The following ZNF320 variants were observed in gnomAD, a reference collection of about 807,000 sequenced individuals.
ZNF320 encodes the protein zinc finger protein 320.
Under a neutral mutation model 6.8 loss-of-function variants are expected in ZNF320, and 2 were observed. The observed-to-expected ratio is 0.29, with a 90% CI of 0.12 to 0.93. The LOEUF is 0.93. ZNF320 is among the 40% of genes least tolerant of loss of function. ZNF320 has a pLI of 0.55. For synonymous variants in ZNF320, 208 were observed against 203.2 expected (o/e 1.02, Z -0.20); for missense variants, 472 against 611.0 (o/e 0.77, Z 2.40).
chr19:52,881,210 A>G lies in ZNF320; in HGVS notation c.916T>C (p.Cys306Arg), dbSNP rs1368797197. The G allele has an allele frequency of 2.5e-6, 4 of 1,614,036 alleles. No homozygotes were observed. In the Admixed American group the frequency reaches 6.7e-5, roughly 27 times the overall value. The change falls in exon 6 of 6, where the codon TGT becomes CGT. Residue 306 changes from cysteine to arginine, a missense_variant. Around this residue, in one of 2 missense-constraint regions of ZNF320, gnomAD observed 462 missense variants for 559.7 expected, o/e 0.83. Coordinates refer to ENST00000682928, the MANE Select transcript of ZNF320 (RefSeq NM_001351774.2). ...TAEKPYKCNE[C>R]GKVFKQRATL... ...GCTCGTTGCTTAAAAACCTTGCCAC[A>G]TTCATTACACTTATAGGGTTTCTCT... is the stretch of plus-strand genomic sequence containing the variant.
In ZNF320 at chr19:52,888,170, G is replaced by A; in HGVS notation, c.99C>T (p.Tyr33=). Reference sequence around the variant, plus strand: ...TATAATTCTCCAGCATCACGTCTCTGTATAGAGTCCTCTGAGCAGGGTCCA... The same window carrying A: ...TATAATTCTCCAGCATCACGTCTCTATATAGAGTCCTCTGAGCAGGGTCCA... ...KCLDPAQRTL[Y]RDVMLENYRN... The change falls in exon 5 of 6, where the codon TAC becomes TAT. Residue 33 remains tyrosine (Y), a synonymous_variant. Coordinates refer to ENST00000682928, the MANE Select transcript of ZNF320 (RefSeq NM_001351774.2). 1.3e-6 allele frequency: 2 copies of A among 1,574,686 alleles called. No homozygotes were observed. The highest frequency in any genetic ancestry group is 1.7e-6 in the Non-Finnish European group (2 of 1,167,084).
chr19:52,870,348 A>G (rs1289613954), intron 5 of ZNF320, among the ~76,000 whole-genome samples: 1 of 151,710 alleles, frequency 6.6e-6, no homozygotes, highest in Non-Finnish European at 1.5e-5. Context: ...GCATGGTGGC[A>G]GGCACCTGTA....
intron 5 of ZNF320, among the ~76,000 whole-genome samples, chr19:52,886,127 T>TTTTTTA (rs1185484903): frequency 6.6e-6 from 1 of 152,026 alleles, no homozygotes. Context: ...GTTATGGAAT[T>TTTTTTA]TTTTTATTTT....
chr19:52,883,359 G>C (rs994639364), intron 5 of ZNF320, among the ~76,000 whole-genome samples: 2 of 152,082 alleles, frequency 1.3e-5, no homozygotes, highest in Non-Finnish European at 2.9e-5. Flanking sequence ...TGTGCCCAGC[G>C]GCAGTTTGTG....
At chr19:52,892,254 T>A (rs1266758040) in intron 2 of ZNF320, 1 of 152,030 alleles carries the variant, frequency 6.6e-6, no homozygotes, top group African/African-American at 2.4e-5. Context: ...TAATCCCAGC[T>A]ACTCAGGAAG....
At position 52,881,733 on chromosome 19, in the gene ZNF320, A is replaced by C; in HGVS notation, c.393T>G (p.Ala131=). Residue 131 remains alanine (A), a synonymous_variant, in exon 6 of 6, where the codon GCT becomes GCG. Coordinates refer to ENST00000682928, the MANE Select transcript of ZNF320 (RefSeq NM_001351774.2). The stretch of plus-strand genomic sequence containing the variant: ...GCTGACCTTTAATAGGCTTGTTTCC[A>C]GCATGCCTTTGATCATATCGGTCTG... ...SSTDRYDQRH[A]GNKPIKGQLE... is the part of the protein sequence containing the mutation. 4 of 1,613,980 alleles carry C rather than the reference A, an allele frequency of 2.5e-6. No individual in the cohort carries two copies. Among genetic ancestry groups the C allele is most frequent in the Non-Finnish European group, 3.4e-6 (4 of 1,179,882 alleles).
At chr19:52,875,507 C>A (rs188803304), downstream of ZNF320, among the ~76,000 whole-genome samples, 313 of 152,284 alleles carry the variant, frequency 2.1e-3, 2 homozygotes, top group African/African-American at 7.1e-3. Flanking sequence ...TTTTGGAGGA[C>A]TGGAATCCAT....
At chr19:52,896,821 C>T (rs1198615840) in intron 1 of ZNF320, among the ~76,000 whole-genome samples, 1 of 152,178 alleles carries the variant, frequency 6.6e-6, no homozygotes, top group East Asian at 1.9e-4. Context: ...ACCCCATCTC[C>T]CCATCCGGAG....
chr19:52,903,633 C>T, the ZNF320 span, among the ~76,000 whole-genome samples: 2 of 152,052 alleles, frequency 1.3e-5, no homozygotes, highest in African/African-American at 4.8e-5. Flanking sequence ...ACCATAATCT[C>T]CTTTAAATTC....
upstream of ZNF320, among the ~76,000 whole-genome samples, chr19:52,900,718 T>A (rs113892830): frequency 0.017 from 2,485 of 150,442 alleles, 37 homozygotes; most frequent in Non-Finnish European, 0.026. Context: ...ATTTTTTTTT[T>A]AATTGTACTT....
At position 52,897,615 on chromosome 19, in the gene ZNF320, T is replaced by C. The variant is rs1482886554; in HGVS notation, c.-365A>G. ...CCCCGGTATAGCAGCACCACAGGAC[T>C]GGGAAGCACACATAAAACAGAGCGA... is the stretch of plus-strand genomic sequence containing the variant. On this transcript the variant is annotated 5_prime_UTR_variant, in exon 1 of 6. Coordinates refer to ENST00000682928, the MANE Select transcript of ZNF320 (RefSeq NM_001351774.2). The C allele has an allele frequency of 6.6e-6, 1 of 152,206 alleles. No individual in the cohort carries two copies. The highest frequency in any genetic ancestry group is 1.9e-4 in the East Asian group (1 of 5,178). 9.4% of individuals were successfully genotyped at this position (152,206 alleles called of 1,614,324 possible). A position where few individuals can be genotyped will look rare whatever the true frequency, so the allele number is the denominator to read the frequency against.
At chr19:52,865,186 G>A (rs1362760456) in intron 5 of ZNF320, among the ~76,000 whole-genome samples, 2 of 151,706 alleles carry the variant, frequency 1.3e-5, no homozygotes, top group African/African-American at 4.9e-5. Context: ...GCTGGGTGTG[G>A]TCGTGGGCAC....
At chr19:52,903,103 TAGG>T in the ZNF320 span, among the ~76,000 whole-genome samples, 1 of 152,216 alleles carries the variant, frequency 6.6e-6, no homozygotes, top group South Asian at 2.1e-4. Flanking sequence ...TCTTCAATAA[TAGG>T]AGGCCTTATT....
At chr19:52,873,849 A>T (rs2063721657), downstream of ZNF320, 1 of 278,254 alleles carries the variant, frequency 3.6e-6, no homozygotes, top group African/African-American at 2.3e-5. Context: ...AGTGAAGATG[A>T]CAAGGACTGA....
upstream of ZNF320, among the ~76,000 whole-genome samples, chr19:52,898,767 C>G (rs907615749): frequency 2.6e-5 from 4 of 152,168 alleles, no homozygotes; most frequent in Non-Finnish European, 4.4e-5. Flanking sequence ...AGAAACAGAA[C>G]AGAGCGGGGA....
At chr19:52,882,679 G>C (rs111443310) in intron 5 of ZNF320, among the ~76,000 whole-genome samples, 2 of 152,070 alleles carry the variant, frequency 1.3e-5, no homozygotes, top group Non-Finnish European at 2.9e-5. Flanking sequence ...GTGGTGGCTC[G>C]CGCCTGTGAT....
At chr19:52,903,785 C>T in the ZNF320 span, among the ~76,000 whole-genome samples, 77 of 151,968 alleles carry the variant, frequency 5.1e-4, no homozygotes, top group African/African-American at 8.4e-4. Context: ...GGCACACACA[C>T]GCACTTTTAC....
At chr19:52,873,827 A>T (rs925504155), downstream of ZNF320, among the ~76,000 whole-genome samples, 8 of 152,160 alleles carry the variant, frequency 5.3e-5, no homozygotes, top group African/African-American at 1.9e-4. Flanking sequence ...AGGTTATAGG[A>T]GATGGAATTT....
At chr19:52,868,621 GA>G (rs1300597185) in intron 5 of ZNF320, among the ~76,000 whole-genome samples, 1 of 152,078 alleles carries the variant, frequency 6.6e-6, no homozygotes, top group Non-Finnish European at 1.5e-5. Context: ...TACAGTAAGT[GA>G]GGGACAAACT....
Sources: allele counts gnomAD v4.1 joint callset (sites outside exome capture counted in the v4.1 genomes callset), GRCh38; gene constraint gnomAD v4.1.1; regional missense constraint gnomAD v4.1.1; transcripts MANE v1.5; gene names NCBI Gene and HGNC (gene_info 2026-07-23, HGNC 2026-07-21).